The following GALNTL6 variants were observed in gnomAD, a reference collection of about 807,000 sequenced individuals.
GALNTL6 encodes polypeptide N-acetylgalactosaminyltransferase like 6.
Under a neutral mutation model 73.7 loss-of-function variants are expected in GALNTL6, and 46 were observed. The observed-to-expected ratio is 0.62, with a 90% CI of 0.49 to 0.80. The LOEUF is 0.80. Among genes scored for constraint, GALNTL6 ranks in the 30% least tolerant of loss-of-function variants. The pLI is 0.00. For missense variants in GALNTL6, 604 were observed against 755.0 expected (o/e 0.80, Z 2.34); for synonymous variants, 259 against 263.7 (o/e 0.98, Z 0.17).
intron 7 of GALNTL6, among the ~76,000 whole-genome samples, chr4:172,834,932 G>A (rs1742829885): frequency 1.3e-5 from 2 of 152,216 alleles, no homozygotes; most frequent in South Asian, 4.1e-4. Flanking sequence ...TAAACTGGGG[G>A]AAAATTATAG....
chr4:172,408,222 C>G (rs945989629), intron 5 of GALNTL6, among the ~76,000 whole-genome samples: 1 of 152,076 alleles, frequency 6.6e-6, no homozygotes, highest in South Asian at 2.1e-4. Flanking sequence ...AGCAAAATCT[C>G]TATATACAGA....
rs112372273 is a variant in GALNTL6 at position 172,898,374 on chromosome 4, C to T, written c.1041+15467C>T. Among the ~76,000 whole-genome samples the T allele has an allele frequency of 6.0e-3, 879 of 145,460 alleles. 8 individuals are homozygous for T. The highest frequency in any genetic ancestry group is 0.021 in the African/African-American group (827 of 39,382). ...CAGAGCTTATAAATAAAAATAATTA[C>T]GATAACATATGAAGATGCTAACCAA... is the stretch of plus-strand genomic sequence containing the variant. On this transcript the variant is annotated intron_variant, in intron 8 of 12. Transcript: ENST00000506823.
intron 5 of GALNTL6, among the ~76,000 whole-genome samples, chr4:172,798,967 G>A (rs1374684905): frequency 6.6e-6 from 1 of 152,130 alleles, no homozygotes; most frequent in African/African-American, 2.4e-5. Flanking sequence ...AAAGATTAAA[G>A]GGACTACTGA....
At chr4:172,567,429 A>G (rs778932531) in intron 5 of GALNTL6, among the ~76,000 whole-genome samples, 15 of 152,140 alleles carry the variant, frequency 9.9e-5, no homozygotes, top group Non-Finnish European at 5.9e-5. Context: ...AAATCCTCTA[A>G]GAAAGAAAAA....
rs892340995 is a variant in GALNTL6 at position 172,766,204 on chromosome 4, T to G, written c.554-43157T>G. The stretch of plus-strand genomic sequence containing the variant: ...AAACGATTCTTCAGCTTGAGTACAT[T>G]CTTTCGGTCCCTAAACTTACTTTGT... On this transcript the variant is annotated intron_variant, in intron 5 of 12. Coordinates refer to ENST00000506823, the MANE Select transcript of GALNTL6 (RefSeq NM_001034845.3). Among the ~76,000 whole-genome samples, 6 of 152,178 alleles carry G rather than the reference T, an allele frequency of 3.9e-5. No individual in the cohort carries two copies. The East Asian group carries it at 1.2e-3, about 29-fold the overall frequency.
chr4:172,946,977 C>T (rs981416897), intron 9 of GALNTL6, among the ~76,000 whole-genome samples: 6 of 152,084 alleles, frequency 3.9e-5, no homozygotes, highest in African/African-American at 1.2e-4. Flanking sequence ...TCTGGTACAG[C>T]CCCACAAAAG....
At chr4:172,001,453 TA>T (rs1387928528) in intron 2 of GALNTL6, among the ~76,000 whole-genome samples, 1 of 152,148 alleles carries the variant, frequency 6.6e-6, no homozygotes, top group African/African-American at 2.4e-5. Context: ...TGCTTCATGA[TA>T]AAATGAAAAG....
chr4:171,851,564 T>G (rs759186684), intron 2 of GALNTL6, among the ~76,000 whole-genome samples: 5 of 152,218 alleles, frequency 3.3e-5, no homozygotes, highest in Non-Finnish European at 5.9e-5. Flanking sequence ...CTTAGGTTAC[T>G]GTGAGTGAGC....
chr4:172,016,284 G>T (rs1215156182), intron 2 of GALNTL6, among the ~76,000 whole-genome samples: 1 of 151,728 alleles, frequency 6.6e-6, no homozygotes, highest in Non-Finnish European at 1.5e-5. Context: ...CTTTATCTTT[G>T]TTTGATTGGG....
At chr4:172,985,273 A>G (rs1751243159) in intron 10 of GALNTL6, among the ~76,000 whole-genome samples, 1 of 152,074 alleles carries the variant, frequency 6.6e-6, no homozygotes, top group South Asian at 2.1e-4. Context: ...AGTTCTAGCA[A>G]TAAATTCCTT....
intron 5 of GALNTL6, among the ~76,000 whole-genome samples, chr4:172,451,480 A>C (rs1728265708): frequency 6.6e-6 from 1 of 152,186 alleles, no homozygotes; most frequent in Admixed American, 6.5e-5. Context: ...AGTGTTACAA[A>C]ATATGGGCAC....
chr4:172,853,534 G>A (rs1005352189), intron 7 of GALNTL6, among the ~76,000 whole-genome samples: 19 of 152,068 alleles, frequency 1.2e-4, no homozygotes, highest in African/African-American at 2.9e-4. Flanking sequence ...CCAGGCTTTC[G>A]TACTGATTCT....
At chr4:172,005,457 A>G (rs1740814201) in intron 2 of GALNTL6, among the ~76,000 whole-genome samples, 1 of 152,148 alleles carries the variant, frequency 6.6e-6, no homozygotes, top group African/African-American at 2.4e-5. Context: ...ACTTTTTACA[A>G]AAGATTAAAA....
intron 3 of GALNTL6, among the ~76,000 whole-genome samples, chr4:172,230,675 A>T (rs1258996860): frequency 6.6e-6 from 1 of 152,192 alleles, no homozygotes; most frequent in African/African-American, 2.4e-5. Flanking sequence ...AGGGTATATC[A>T]GTAGAAATCC....
chr4:172,613,031 T>C (rs1384686397), intron 5 of GALNTL6, among the ~76,000 whole-genome samples: 1 of 152,082 alleles, frequency 6.6e-6, no homozygotes, highest in African/African-American at 2.4e-5. Context: ...CTACCTAGAA[T>C]ACAGTCCTTA....
At chr4:171,925,687 A>C (rs543732156) in intron 2 of GALNTL6, among the ~76,000 whole-genome samples, 7 of 152,278 alleles carry the variant, frequency 4.6e-5, no homozygotes, top group African/African-American at 1.7e-4. Context: ...TTTTCTAGCA[A>C]TCTTTAATTT....
At chr4:171,939,284 A>G (rs964691059) in intron 2 of GALNTL6, among the ~76,000 whole-genome samples, 24 of 152,164 alleles carry the variant, frequency 1.6e-4, no homozygotes, top group East Asian at 1.5e-3. Context: ...GCTAATCAAT[A>G]TACTGATTTT....
At chr4:172,375,304 T>G (rs529421680) in intron 5 of GALNTL6, among the ~76,000 whole-genome samples, 24 of 152,286 alleles carry the variant, frequency 1.6e-4, no homozygotes, top group African/African-American at 5.5e-4. Context: ...TGTACTTCCC[T>G]TAGGTGGCCA....
intron 8 of GALNTL6, among the ~76,000 whole-genome samples, chr4:172,891,750 TC>T (rs894727549): frequency 1.3e-5 from 2 of 152,218 alleles, no homozygotes; most frequent in African/African-American, 4.8e-5. Context: ...GCCTATTCTT[TC>T]TTCTTCTCTC....
Sources: allele counts gnomAD v4.1 joint callset (sites outside exome capture counted in the v4.1 genomes callset), GRCh38; gene constraint gnomAD v4.1.1; transcripts MANE v1.5; gene names NCBI Gene and HGNC (gene_info 2026-07-23, HGNC 2026-07-21).